Variants in SCRG1 observed in about 807,000 individuals in gnomAD.
SCRG1 encodes the protein scrapie-responsive protein 1.
In SCRG1, 3 loss-of-function variants were observed where a neutral mutation model predicts 7.7. The observed-to-expected ratio is 0.39, with a 90% CI of 0.18 to 1.01. The LOEUF (loss-of-function observed/expected upper bound fraction) is 1.01, where lower values mean the gene tolerates loss of function less well. Ranked by LOEUF, SCRG1 falls within the 50% of genes least tolerant of loss-of-function variation. SCRG1 has a pLI of 0.36. For synonymous variants in SCRG1, 46 were observed against 41.2 expected (o/e 1.12, Z -0.44); for missense variants, 110 against 117.2 (o/e 0.94, Z 0.28).
the SCRG1 span, among the ~76,000 whole-genome samples, chr4:173,495,984 AG>A: frequency 6.6e-6 from 1 of 152,154 alleles, no homozygotes. Flanking sequence ...CTTCTGATAA[AG>A]ATGGAGGGAA....
chr4:173,466,962 A>C, the SCRG1 span, among the ~76,000 whole-genome samples: 1 of 152,138 alleles, frequency 6.6e-6, no homozygotes, highest in African/African-American at 2.4e-5. Flanking sequence ...TTTGGCTATC[A>C]ACTAATTTCT....
At chr4:173,414,888 C>G in the SCRG1 span, among the ~76,000 whole-genome samples, 1 of 152,194 alleles carries the variant, frequency 6.6e-6, no homozygotes, top group Admixed American at 6.5e-5. Flanking sequence ...TTGGTGGGCA[C>G]TGCGTGCTTG....
the SCRG1 span, chr4:173,468,368 C>T: frequency 6.6e-6 from 1 of 152,114 alleles, no homozygotes; most frequent in East Asian, 1.9e-4. Flanking sequence ...AACTATACCA[C>T]CCTAGGTTTG....
At chr4:173,422,379 T>C in the SCRG1 span, among the ~76,000 whole-genome samples, 1 of 152,214 alleles carries the variant, frequency 6.6e-6, no homozygotes, top group East Asian at 1.9e-4. Context: ...GATGTGATAA[T>C]GGCCAGAAGG....
the SCRG1 span, among the ~76,000 whole-genome samples, chr4:173,420,962 G>A: frequency 2.0e-5 from 3 of 152,128 alleles, no homozygotes; most frequent in Non-Finnish European, 2.9e-5. Flanking sequence ...TTAATACCAG[G>A]ACACTTGACT....
the SCRG1 span, among the ~76,000 whole-genome samples, chr4:173,500,873 A>C: frequency 2.0e-5 from 3 of 152,090 alleles, no homozygotes; most frequent in Non-Finnish European, 4.4e-5. Flanking sequence ...CCTTCCCTTT[A>C]CGTCCTTCTA....
chr4:173,406,262 C>A (rs1163363229), exon 1 of SCRG1: 1 of 152,198 alleles, frequency 6.6e-6, no homozygotes, highest in African/African-American at 2.4e-5. Flanking sequence ...GCACATACCT[C>A]ATGGTAAACA....
the SCRG1 span, among the ~76,000 whole-genome samples, chr4:173,449,440 T>TA: frequency 6.7e-6 from 1 of 149,826 alleles, no homozygotes; most frequent in Non-Finnish European, 1.5e-5. Flanking sequence ...TAAATCTTTT[T>TA]TTTTTTTTTT....
chr4:173,505,813 A>C, the SCRG1 span, among the ~76,000 whole-genome samples: 1 of 152,226 alleles, frequency 6.6e-6, no homozygotes, highest in Non-Finnish European at 1.5e-5. This position sits in a 1 kb window ranked among gnomAD's most constrained non-coding sequence, Gnocchi z 4.4. Flanking sequence ...TGGAAGGTGG[A>C]GCTCCTGGAG....
the SCRG1 span, among the ~76,000 whole-genome samples, chr4:173,517,293 G>T: frequency 6.6e-6 from 1 of 152,228 alleles, no homozygotes; most frequent in African/African-American, 2.4e-5. Flanking sequence ...CTTTTACAAG[G>T]CATGTGGGTA....
At chr4:173,389,536 AAAAC>A (rs57097016) in intron 2 of SCRG1, 63,808 of 183,828 alleles carry the variant, frequency 0.35, 12,407 homozygotes, top group African/African-American at 0.49. Flanking sequence ...ATTCCGTCTC[AAAAC>A]AAACAAACAA....
chr4:173,461,687 A>G, the SCRG1 span, among the ~76,000 whole-genome samples: 1 of 152,170 alleles, frequency 6.6e-6, no homozygotes, highest in Non-Finnish European at 1.5e-5. Flanking sequence ...AACACCATCC[A>G]AGAAAATGTG....
the SCRG1 span, among the ~76,000 whole-genome samples, chr4:173,426,215 G>A: frequency 6.6e-6 from 1 of 152,320 alleles, no homozygotes; most frequent in Non-Finnish European, 1.5e-5. Context: ...GTTTGGTACT[G>A]TCTGTACTAC....
the SCRG1 span, among the ~76,000 whole-genome samples, chr4:173,439,354 C>G: frequency 6.6e-6 from 1 of 152,104 alleles, no homozygotes; most frequent in South Asian, 2.1e-4. Context: ...TAGGCAGACT[C>G]TGTCTCTACA....
chr4:173,401,874 T>C (rs1739770305), upstream of SCRG1, among the ~76,000 whole-genome samples: 1 of 152,250 alleles, frequency 6.6e-6, no homozygotes, highest in Non-Finnish European at 1.5e-5. Flanking sequence ...TGCTTGTCAT[T>C]CATCCTGATG....
chr4:173,445,106 A>T, the SCRG1 span, among the ~76,000 whole-genome samples: 2 of 42,964 alleles, frequency 4.7e-5, no homozygotes, highest in Non-Finnish European at 2.6e-4. Context: ...CAGAAATGAT[A>T]AAAAAAGCCA....
the SCRG1 span, among the ~76,000 whole-genome samples, chr4:173,450,649 C>T: frequency 6.6e-6 from 1 of 152,312 alleles, no homozygotes; most frequent in South Asian, 2.1e-4. Context: ...AGTCTTAAAA[C>T]CTCCTGCAGG....
At chr4:173,424,928 C>A in the SCRG1 span, among the ~76,000 whole-genome samples, 1 of 6,454 alleles carries the variant, frequency 1.5e-4, no homozygotes, top group African/African-American at 2.1e-4. Context: ...TAAAATAAAA[C>A]AAAACAAAAT....
At chr4:173,420,938 A>C in the SCRG1 span, among the ~76,000 whole-genome samples, 1 of 152,254 alleles carries the variant, frequency 6.6e-6, no homozygotes, top group East Asian at 1.9e-4. Flanking sequence ...AGGAGTATAT[A>C]CTGATAAAGC....
Sources: gnomAD v4.1 joint callset for allele counts (sites outside exome capture counted in the v4.1 genomes callset) on GRCh38, gnomAD v4.1.1 for gene constraint, Gnocchi (gnomAD v3.1) non-coding constraint, MANE v1.5 for transcripts, NCBI Gene and HGNC (gene_info 2026-07-23, HGNC 2026-07-21) for gene names.